AUTS2: variants seen among roughly 807,000 people sequenced by gnomAD.
The protein encoded by AUTS2 is activator of transcription and developmental regulator AUTS2.
Under a neutral mutation model 112.4 loss-of-function variants are expected in AUTS2, and 17 were observed. That is an observed-to-expected ratio of 0.15 (90% CI 0.10 to 0.23). The LOEUF (loss-of-function observed/expected upper bound fraction) is 0.23, where lower values mean the gene tolerates loss of function less well. Among genes scored for constraint, AUTS2 ranks in the 10% least tolerant of loss-of-function variants. The probability of loss-of-function intolerance (pLI) is 1.00; values close to 1 mark genes in which losing one functional copy is unlikely to be tolerated. For synonymous variants in AUTS2, 751 were observed against 702.7 expected (o/e 1.07, Z -1.09); for missense variants, 1,510 against 1,701.6 (o/e 0.89, Z 1.98).
At chr7:70,088,088 T>C (rs1377650041) in intron 2 of AUTS2, among the ~76,000 whole-genome samples, 6 of 151,986 alleles carry the variant, frequency 3.9e-5, no homozygotes, top group Non-Finnish European at 1.5e-5. Context: ...GTTTTATCGG[T>C]CTTCTCAAAG....
chr7:70,585,486 A>G (rs1030217664), intron 5 of AUTS2, among the ~76,000 whole-genome samples: 4 of 152,176 alleles, frequency 2.6e-5, no homozygotes, highest in African/African-American at 9.7e-5. Flanking sequence ...GCACAAACAA[A>G]TGAACTCCTT....
intron 6 of AUTS2, chr7:70,699,304 G>C (rs1809314692): frequency 6.6e-6 from 1 of 152,202 alleles, no homozygotes. Flanking sequence ...ATTTGAAAGG[G>C]ACAAACCATA....
At position 70,295,435 on chromosome 7, in the gene AUTS2, G is replaced by A. The variant is rs373750813; in HGVS notation, c.661-140317G>A. Among the ~76,000 whole-genome samples the A allele has an allele frequency of 7.8e-4, 119 of 152,246 alleles. 4 individuals are homozygous for A. In the South Asian group the frequency reaches 0.023, roughly 29 times the overall value. On this transcript the variant is annotated intron_variant, in intron 4 of 18. Coordinates refer to ENST00000342771, the MANE Select transcript of AUTS2 (RefSeq NM_015570.4). The stretch of plus-strand genomic sequence containing the variant: ...GCTGACTCCTACTGCTTAAACCTCC[G>A]TTCTCTCTCTGTTTTTATCTTAGGC...
At chr7:70,559,519 G>C (rs1041442499) in intron 5 of AUTS2, among the ~76,000 whole-genome samples, 1 of 151,942 alleles carries the variant, frequency 6.6e-6, no homozygotes, top group Non-Finnish European at 1.5e-5. Flanking sequence ...ATTTTTAGTA[G>C]ATATGGGGTT....
At chr7:70,603,018 T>A (rs1222321604) in intron 5 of AUTS2, among the ~76,000 whole-genome samples, 2 of 152,238 alleles carry the variant, frequency 1.3e-5, no homozygotes, top group Admixed American at 6.5e-5. Context: ...TACTCATTCA[T>A]TTCTTCTGTA....
intron 4 of AUTS2, among the ~76,000 whole-genome samples, chr7:70,137,382 G>C (rs901472781): frequency 6.6e-6 from 1 of 150,792 alleles, no homozygotes; most frequent in Non-Finnish European, 1.5e-5. Context: ...TGAAAGTATA[G>C]ACTAGTTGGA....
intron 5 of AUTS2, among the ~76,000 whole-genome samples, chr7:70,591,035 A>G (rs1324003231): frequency 6.6e-6 from 1 of 152,228 alleles, no homozygotes; most frequent in Non-Finnish European, 1.5e-5. Flanking sequence ...TAGATTGGCA[A>G]CATGGGTGGC....
intron 1 of AUTS2, among the ~76,000 whole-genome samples, chr7:69,701,322 C>G (rs1175491003): frequency 6.6e-6 from 1 of 152,176 alleles, no homozygotes; most frequent in Non-Finnish European, 1.5e-5. Flanking sequence ...GTTGATTAAC[C>G]TTTCTTCTTC....
At chr7:69,658,609 A>C (rs967197535) in intron 1 of AUTS2, among the ~76,000 whole-genome samples, 1 of 152,222 alleles carries the variant, frequency 6.6e-6, no homozygotes, top group African/African-American at 2.4e-5. Context: ...TAAGACACAC[A>C]GTAAAGAAAT....
chr7:69,825,873 C>T (rs554673090), intron 1 of AUTS2: 37 of 152,280 alleles, frequency 2.4e-4, no homozygotes, highest in African/African-American at 8.4e-4. Flanking sequence ...CATAAATTGT[C>T]AGGTAAAGAA....
chr7:70,043,301 T>G (rs1801326471), intron 2 of AUTS2, among the ~76,000 whole-genome samples: 1 of 152,156 alleles, frequency 6.6e-6, no homozygotes, highest in Non-Finnish European at 1.5e-5. Context: ...ATTGTAAGAC[T>G]TATCTCTGTG....
At chr7:69,687,622 T>A (rs1460290475) in intron 1 of AUTS2, among the ~76,000 whole-genome samples, 1 of 152,210 alleles carries the variant, frequency 6.6e-6, no homozygotes, top group Admixed American at 6.5e-5. Context: ...TGGATCAATG[T>A]ATAGGTAAAT....
chr7:69,635,728 C>G (rs1794488317), intron 1 of AUTS2, among the ~76,000 whole-genome samples: 1 of 152,198 alleles, frequency 6.6e-6, no homozygotes, highest in Admixed American at 6.5e-5. Context: ...CAAATCAAGC[C>G]TTGGCAAGGA....
chr7:70,356,988 G>A (rs1792040801), intron 4 of AUTS2, among the ~76,000 whole-genome samples: 1 of 152,132 alleles, frequency 6.6e-6, no homozygotes, highest in Admixed American at 6.5e-5. Flanking sequence ...TGCTCCCAAT[G>A]TTTCCTGGAG....
intron 2 of AUTS2, among the ~76,000 whole-genome samples, chr7:70,104,686 G>T (rs1018686445): frequency 6.6e-6 from 1 of 152,064 alleles, no homozygotes; most frequent in African/African-American, 2.4e-5. Flanking sequence ...TTTTTTTGAG[G>T]GATAATCTGT....
intron 4 of AUTS2, among the ~76,000 whole-genome samples, chr7:70,174,404 CA>C (rs1275719484): frequency 1.6e-4 from 24 of 152,182 alleles, no homozygotes. Flanking sequence ...GGGTGAAACA[CA>C]AGTGCTGATG....
At chr7:70,460,629 G>A (rs533443554) in intron 5 of AUTS2, among the ~76,000 whole-genome samples, 1 of 152,086 alleles carries the variant, frequency 6.6e-6, no homozygotes, top group Non-Finnish European at 1.5e-5. Context: ...GGGATTACAA[G>A]CCTGAGCCAC....
intron 2 of AUTS2, among the ~76,000 whole-genome samples, chr7:70,074,919 A>G (rs946293601): frequency 6.6e-6 from 1 of 152,204 alleles, no homozygotes. Flanking sequence ...ATTTGGTGAC[A>G]TCTGGAATTT....
intron 2 of AUTS2, among the ~76,000 whole-genome samples, chr7:70,115,723 A>G (rs1182437579): frequency 2.0e-5 from 3 of 152,232 alleles, no homozygotes; most frequent in Non-Finnish European, 4.4e-5. Flanking sequence ...GATACTGCTT[A>G]TGAATTGGAG....
Sources: allele counts gnomAD v4.1 joint callset (sites outside exome capture counted in the v4.1 genomes callset), GRCh38; gene constraint gnomAD v4.1.1; transcripts MANE v1.5; gene names NCBI Gene and HGNC (gene_info 2026-07-23, HGNC 2026-07-21).